The following PKD2 variants were observed in gnomAD, a reference collection of about 807,000 sequenced individuals.
PKD2 encodes polycystin 2, transient receptor potential cation channel.
Under a neutral mutation model 105.9 loss-of-function variants are expected in PKD2, and 48 were observed. The ratio of observed to expected loss-of-function variants is 0.45; its 90% CI spans 0.36 to 0.58. The LOEUF (loss-of-function observed/expected upper bound fraction) is 0.58. Ranked by LOEUF, PKD2 falls within the 20% of genes least tolerant of loss-of-function variation. The pLI, the probability that PKD2 is intolerant of heterozygous loss-of-function variation, is 0.00. For synonymous variants in PKD2, 464 were observed against 481.1 expected (o/e 0.96, Z 0.46); for missense variants, 1,078 against 1,255.3 (o/e 0.86, Z 2.13).
At chr4:88,058,752 T>G (rs1387856154) in intron 9 of PKD2, among the ~76,000 whole-genome samples, 1 of 152,178 alleles carries the variant, frequency 6.6e-6, no homozygotes, top group African/African-American at 2.4e-5. Context: ...TAAAATTATT[T>G]TCAAAAATAA....
At chr4:88,057,321 C>CT (rs1299602439) in intron 8 of PKD2, among the ~76,000 whole-genome samples, 1 of 151,302 alleles carries the variant, frequency 6.6e-6, no homozygotes, top group African/African-American at 2.4e-5. Context: ...AAATTTTTAA[C>CT]TTTAGACCGA....
intron 2 of PKD2, among the ~76,000 whole-genome samples, chr4:88,020,660 A>G (rs1726715624): frequency 6.6e-6 from 1 of 151,668 alleles, no homozygotes; most frequent in Non-Finnish European, 1.5e-5. Context: ...GCCTCCTACC[A>G]AACTCCTCTG....
At chr4:88,042,880 C>T (rs542568805) in intron 4 of PKD2, among the ~76,000 whole-genome samples, 3 of 152,246 alleles carry the variant, frequency 2.0e-5, no homozygotes, top group Non-Finnish European at 1.5e-5. Context: ...GACCTCAAGT[C>T]GTCTAGTCCC....
rs180679191 is a variant in PKD2, at chr4:88,034,015, G to A, written c.710-2205G>A. Among the ~76,000 whole-genome samples the A allele has an allele frequency of 2.3e-3, 345 of 152,276 alleles. 5 individuals carry two copies. Among genetic ancestry groups the A allele is most frequent in the Admixed American group, 0.02 (312 of 15,290 alleles). ...ACACTATGAACTCCTCTTCTTGAGTGCAGAGATCACGTCTTGTTCATCTTC... is the reference window on the plus strand; with the variant it reads ...ACACTATGAACTCCTCTTCTTGAGTACAGAGATCACGTCTTGTTCATCTTC... On this transcript the variant is annotated intron_variant, in intron 2 of 14. Transcript: ENST00000237596.
chr4:88,056,630 A>C (rs1408195298), intron 8 of PKD2, among the ~76,000 whole-genome samples: 2 of 152,220 alleles, frequency 1.3e-5, no homozygotes, highest in African/African-American at 4.8e-5. Flanking sequence ...TTAGAACTTC[A>C]AGTTATTTTC....
At chr4:88,047,085 G>C (rs975429767) in intron 6 of PKD2, among the ~76,000 whole-genome samples, 2 of 152,184 alleles carry the variant, frequency 1.3e-5, no homozygotes, top group Admixed American at 1.3e-4. Context: ...TATGCTCTCA[G>C]CCACGCTAAT....
intron 1 of PKD2, 132 bp downstream of exon 1, chr4:88,008,460 G>T (rs1347102944): frequency 3.4e-6 from 4 of 1,169,102 alleles, no homozygotes; most frequent in African/African-American, 1.6e-5. Flanking sequence ...CCTTGGAAGC[G>T]CATTCCCCAC....
chr4:88,070,589 TATATATATATATAG>T (rs1365837964), intron 13 of PKD2, among the ~76,000 whole-genome samples: 1,618 of 105,244 alleles, frequency 0.015, 33 homozygotes, highest in African/African-American at 0.048. Context: ...TATATATATA[TATATATATATATAG>T]AGAGAGAGAG....
chr4:88,032,954 C>T (rs937620744), intron 2 of PKD2, among the ~76,000 whole-genome samples: 1 of 152,044 alleles, frequency 6.6e-6, no homozygotes, highest in African/African-American at 2.4e-5. Flanking sequence ...AGGATGGAGG[C>T]AAGCTGAAAC....
chr4:88,074,957 G>A lies in PKD2; in HGVS notation c.2668G>A (p.Glu890Lys), dbSNP rs770609334. Residue 890 changes from glutamate to lysine, a missense_variant and splice_region_variant, in exon 14 of 15, where the codon GAG becomes AAG. Around this residue, in one of 2 missense-constraint regions of PKD2, gnomAD observed 868 missense variants for 1,067.3 expected, o/e 0.81. Transcript: ENST00000237596. Reference protein sequence around the residue: ...VLGRLLDGVAEDERLGRDSEI... With the variant: ...VLGRLLDGVAKDERLGRDSEI... ...GGGAAGGCTGTTGGATGGGGTGGCC[G>A]AGGTCAGTAGTCATGAGCTGAAAAC... 98 of 1,613,946 alleles carry A rather than the reference G, an allele frequency of 6.1e-5. No individual in the cohort carries two copies. In the East Asian group the frequency reaches 2.0e-3, roughly 33 times the overall value.
At chr4:88,044,806 C>T (rs1422665179) in intron 5 of PKD2, among the ~76,000 whole-genome samples, 1 of 151,902 alleles carries the variant, frequency 6.6e-6, no homozygotes, top group Non-Finnish European at 1.5e-5. Context: ...TGGCGGTGCT[C>T]AGAAAGTTTG....
At chr4:88,018,971 A>C (rs1036777146) in intron 1 of PKD2, among the ~76,000 whole-genome samples, 1 of 152,168 alleles carries the variant, frequency 6.6e-6, no homozygotes, top group Admixed American at 6.5e-5. Context: ...TATTGAAGTG[A>C]TTCTCCAACA....
intron 2 of PKD2, among the ~76,000 whole-genome samples, chr4:88,027,675 G>A (rs1266545772): frequency 6.6e-6 from 1 of 152,218 alleles, no homozygotes; most frequent in Non-Finnish European, 1.5e-5. Context: ...GTTTGACTCT[G>A]TGTCTCCACC....
intron 3 of PKD2, among the ~76,000 whole-genome samples, chr4:88,037,300 A>G (rs1214213912): frequency 1.3e-5 from 2 of 152,182 alleles, no homozygotes; most frequent in African/African-American, 2.4e-5. Context: ...GTGAAGTTCA[A>G]CCCAATCCAG....
intron 2 of PKD2, among the ~76,000 whole-genome samples, chr4:88,024,085 T>G (rs1295164053): frequency 6.6e-6 from 1 of 152,194 alleles, no homozygotes; most frequent in African/African-American, 2.4e-5. Flanking sequence ...GGGTTACTGT[T>G]ATAAATAGCA....
intron 13 of PKD2, among the ~76,000 whole-genome samples, chr4:88,072,303 G>A (rs1467808034): frequency 1.3e-5 from 2 of 151,992 alleles, no homozygotes; most frequent in South Asian, 2.1e-4. Flanking sequence ...GTCTTTAACT[G>A]TCTTCTTAGC....
Position 88,061,983 on chromosome 4 carries a change from ACT to A in PKD2, c.2101_2102del (p.Ser701ArgfsTer9), listed in dbSNP as rs1578144898. ...DLAQQKAEMELSDLIRKGYHK... is the reference protein window; with the variant it reads ...DLAQQKAEMEXSDLIRKGYHK... Reference sequence around the variant, plus strand: ...TGGCACAGCAGAAAGCTGAAATGGAACTCTCAGATCTTATCAGAAAGGTAGGA... The same window carrying A: ...TGGCACAGCAGAAAGCTGAAATGGAACTCAGATCTTATCAGAAAGGTAGGA... On this transcript the variant is annotated frameshift_variant, in exon 10 of 15. Transcript: ENST00000237596. LOFTEE classifies it high-confidence loss of function. 2 of 1,546,770 alleles carry A rather than the reference ACT, an allele frequency of 1.3e-6. No homozygotes were observed. Among genetic ancestry groups the A allele is most frequent in the Non-Finnish European group, 1.8e-6 (2 of 1,119,224 alleles).
rs1478076531 is a variant in PKD2, at chr4:88,052,112, A to G, written c.1670A>G (p.Gln557Arg). The part of the protein sequence containing the change: ...NFEHLAYWQI[Q>R]FNNIAAVTVF... ...GAGCATCTGGCATATTGGCAGATAC[A>G]GTTCAACAATATAGCTGCTGTCACA... Residue 557 changes from glutamine (Q) to arginine (R), a missense_variant, in exon 7 of 15, where the codon CAG (glutamine) becomes CGG (arginine). Gln to Arg is a conservative substitution (Grantham distance 43, BLOSUM62 1). This residue lies in a region of PKD2 where 868 missense variants were observed against 1,067.3 expected (regional missense o/e 0.81). Coordinates refer to ENST00000237596, the MANE Select transcript of PKD2 (RefSeq NM_000297.4). 6.2e-7 allele frequency: 1 copy of G among 1,607,662 alleles called. No individual in the cohort carries two copies. The highest frequency in any genetic ancestry group is 2.2e-5 in the East Asian group (1 of 44,820).
At chr4:88,029,202 C>T (rs1213750280) in intron 2 of PKD2, among the ~76,000 whole-genome samples, 1 of 152,170 alleles carries the variant, frequency 6.6e-6, no homozygotes, top group East Asian at 1.9e-4. Context: ...TTGATAACTC[C>T]CTCTCTTCCT....
Sources: allele counts gnomAD v4.1 joint callset (sites outside exome capture counted in the v4.1 genomes callset), GRCh38; gene constraint gnomAD v4.1.1; regional missense constraint gnomAD v4.1.1; transcripts MANE v1.5; gene names NCBI Gene and HGNC (gene_info 2026-07-23, HGNC 2026-07-21).